The following LSP1 variants were observed in gnomAD, a reference collection of about 807,000 sequenced individuals.
The protein encoded by LSP1 is lymphocyte specific protein 1, also known as lymphocyte-specific protein 1.
LSP1 carries 32 observed loss-of-function variants against 49.3 expected under a neutral mutation model. The observed-to-expected ratio is 0.65, with a 90% CI of 0.49 to 0.87. The LOEUF is 0.87. Ranked by LOEUF, LSP1 falls within the 40% of genes least tolerant of loss-of-function variation. The probability of loss-of-function intolerance (pLI) is 0.00; values close to 1 mark genes in which losing one functional copy is unlikely to be tolerated. For synonymous variants in LSP1, 179 were observed against 178.8 expected (o/e 1.00, Z -0.01); for missense variants, 428 against 442.6 (o/e 0.97, Z 0.30).
At chr11:1,856,727 C>T (rs1847498895) in intron 1 of LSP1, among the ~76,000 whole-genome samples, 1 of 152,202 alleles carries the variant, frequency 6.6e-6, no homozygotes, top group Non-Finnish European at 1.5e-5. Flanking sequence ...CAGCAGGAGC[C>T]CATGGGATGG....
At chr11:1,868,773 G>T in intron 1 of LSP1, 1 of 985,840 alleles carries the variant, frequency 1.0e-6, no homozygotes, top group Non-Finnish European at 1.2e-6. Flanking sequence ...CCCTGGGCAG[G>T]GTGTCAGGGC....
intron 7 of LSP1, among the ~76,000 whole-genome samples, chr11:1,886,189 G>A (rs557081154): frequency 5.9e-5 from 9 of 151,600 alleles, no homozygotes; most frequent in East Asian, 3.9e-4. Context: ...TCCAATCAAC[G>A]TCGTTGCATG....
At chr11:1,880,286 G>T in intron 2 of LSP1, 62 bp downstream of exon 2, 3 of 1,469,760 alleles carry the variant, frequency 2.0e-6, no homozygotes, top group Non-Finnish European at 2.7e-6. Context: ...TGGGGCCTGG[G>T]CAGAGGGGGA....
chr11:1,880,707 T>A (rs10082642), intron 2 of LSP1: 7,213 of 154,620 alleles, frequency 0.047, 208 homozygotes, highest in Middle Eastern at 0.12. Flanking sequence ...TTGGGCAGAG[T>A]GGGGTTCAGC....
rs1848545623 is a variant in LSP1 at position 1,881,585 on chromosome 11, G to C, written c.345G>C (p.Glu115Asp). 2.0e-6 allele frequency: 3 copies of C among 1,515,548 alleles called. No homozygotes were observed. Among genetic ancestry groups the C allele is most frequent in the Non-Finnish European group, 2.7e-6 (3 of 1,128,920 alleles). The allele number at this position is 1,515,548 out of a possible 1,614,324, so 93.9% of individuals were successfully genotyped here. ...EPPQCRSPEG[E>D]QEDRPGLHAY... ...CCCAGTGCAGGAGTCCTGAGGGGGAGCAAGAGGACAGGTGAGTGAGGGCCT... is the reference window on the plus strand; with the variant it reads ...CCCAGTGCAGGAGTCCTGAGGGGGACCAAGAGGACAGGTGAGTGAGGGCCT... Residue 115 changes from glutamate (E) to aspartate (D), a missense_variant, in exon 3 of 11, where the codon GAG (glutamate) becomes GAC (aspartate). Coordinates refer to ENST00000311604, the MANE Select transcript of LSP1 (RefSeq NM_002339.3).
At chr11:1,869,873 C>A in intron 1 of LSP1, 1 of 451,246 alleles carries the variant, frequency 2.2e-6, no homozygotes, top group South Asian at 1.6e-5. Flanking sequence ...GGGTCAGGAC[C>A]CTCCACTCAC....
intron 8 of LSP1, 151 bp from the exon 9 acceptor site, chr11:1,887,086 C>T: frequency 2.2e-6 from 2 of 895,350 alleles, no homozygotes; most frequent in South Asian, 3.5e-5. Context: ...CTTTCCCTGC[C>T]TCTTCCACTG....
At chr11:1,891,311 C>T (rs1848992589) in intron 10 of LSP1, 1 of 152,132 alleles carries the variant, frequency 6.6e-6, no homozygotes, top group African/African-American at 2.4e-5. Context: ...GAGCCAGAGG[C>T]TCTCTGGTTT....
rs148042410 is a variant in LSP1 at position 1,880,106 on chromosome 11, G to A, written c.73G>A (p.Val25Met). The change falls in exon 2 of 11, where the codon GTG (valine) becomes ATG (methionine). Residue 25 changes from valine to methionine, a missense_variant. Val to Met is a conservative substitution (Grantham distance 21, BLOSUM62 1). Coordinates refer to ENST00000311604, the MANE Select transcript of LSP1 (RefSeq NM_002339.3). ...ELLGPTAQWS[V>M]EDEEEAVHEQ... ...CACTAGGCCCACTGCTCAGTGGAGC[G>A]TGGAGGACGAGGAGGAGGCCGTCCA... 172 of 1,609,422 alleles carry A rather than the reference G, an allele frequency of 1.1e-4. No homozygotes were observed. The highest frequency in any genetic ancestry group is 2.3e-4 in the African/African-American group (17 of 74,740).
chr11:1,855,908 C>T (rs1333925676), intron 1 of LSP1, among the ~76,000 whole-genome samples: 1 of 152,216 alleles, frequency 6.6e-6, no homozygotes, highest in Non-Finnish European at 1.5e-5. Context: ...GCGATGAGGA[C>T]GGGGCGTCCT....
At chr11:1,872,757 G>C (rs1189196592) in intron 1 of LSP1, among the ~76,000 whole-genome samples, 2 of 151,652 alleles carry the variant, frequency 1.3e-5, no homozygotes, top group African/African-American at 4.9e-5. Context: ...GCTGGCGTGG[G>C]CACCTTTGGG....
intron 3 of LSP1, among the ~76,000 whole-genome samples, chr11:1,882,908 C>T (rs536474608): frequency 1.3e-5 from 2 of 152,368 alleles, no homozygotes; most frequent in South Asian, 4.1e-4. Flanking sequence ...CCCTCCCCCG[C>T]AGCCGGCAGC....
rs760576478 is a variant in LSP1, at chr11:1,866,884, GC to G, written c.54-13202del. 3.3e-6 allele frequency: 5 copies of G among 1,531,350 alleles called. No individual in the cohort carries two copies. The South Asian group carries it at 6.0e-5, about 18-fold the overall frequency. 94.9% of individuals were successfully genotyped at this position (1,531,350 alleles called of 1,614,324 possible). ...GGGCTCGGCCATGAGCATCCGTCCA[GC>G]GGGCCCAGCACCAACTGCAGCCCCA... On this transcript the variant is annotated intron_variant, in intron 1 of 10. Coordinates refer to ENST00000311604, the MANE Select transcript of LSP1 (RefSeq NM_002339.3).
chr11:1,861,082 C>G (rs1031861671), intron 1 of LSP1, among the ~76,000 whole-genome samples: 3 of 152,210 alleles, frequency 2.0e-5, no homozygotes, highest in African/African-American at 7.2e-5. Flanking sequence ...GTAGACACTA[C>G]TAAATCAGGA....
Position 1,880,268 on chromosome 11 carries a change from G to A in LSP1, c.191+44G>A, listed in dbSNP as rs146975581. The stretch of plus-strand genomic sequence containing the variant: ...CGTGCCTGGGCTCTAGCCCCTATCC[G>A]TGTACCCTGGGGCCTGGGCAGAGGG... On this transcript the variant is annotated intron_variant, in intron 2 of 10. Transcript: ENST00000311604. The A allele has an allele frequency of 8.9e-4, 1,354 of 1,518,620 alleles. 14 individuals carry two copies. The African/African-American group carries it at 0.016, about 18-fold the overall frequency. The allele number at this position is 1,518,620 out of a possible 1,614,324, so 94.1% of individuals were successfully genotyped here.
rs747369818 is a variant in LSP1 at position 1,880,095 on chromosome 11, C to A, written c.62C>A (p.Ala21Asp). The A allele has an allele frequency of 1.9e-4, 306 of 1,609,888 alleles. No individual in the cohort carries two copies. Among genetic ancestry groups the A allele is most frequent in the Non-Finnish European group, 2.4e-4 (287 of 1,178,006 alleles). ...TCTGTGTCCCCCACTAGGCCCACTG[C>A]TCAGTGGAGCGTGGAGGACGAGGAG... Reference protein sequence around the residue: ...EEREELLGPTAQWSVEDEEEA... With the variant: ...EEREELLGPTDQWSVEDEEEA... Residue 21 changes from alanine (A) to aspartate (D), a missense_variant, in exon 2 of 11, where the codon GCT becomes GAT. Coordinates refer to ENST00000311604, the MANE Select transcript of LSP1 (RefSeq NM_002339.3).
At chr11:1,890,672 A>G in intron 10 of LSP1, 1 of 641,276 alleles carries the variant, frequency 1.6e-6, no homozygotes, top group Admixed American at 2.3e-5. Context: ...TGGTCCAAGG[A>G]GGACCTGGGG....
At chr11:1,875,929 C>A (rs1277596829) in intron 1 of LSP1, among the ~76,000 whole-genome samples, 1 of 152,230 alleles carries the variant, frequency 6.6e-6, no homozygotes, top group African/African-American at 2.4e-5. Flanking sequence ...TGTGCCACAC[C>A]CTCGAGCCCC....
chr11:1,881,627 G>A (rs923474099), intron 3 of LSP1, 31 bp downstream of exon 3: 2 of 1,442,966 alleles, frequency 1.4e-6, no homozygotes, highest in African/African-American at 3.0e-5. Context: ...CGGGCGCTGG[G>A]CAGAGCAGGG....
Sources: allele counts gnomAD v4.1 joint callset (sites outside exome capture counted in the v4.1 genomes callset), GRCh38; gene constraint gnomAD v4.1.1; transcripts MANE v1.5; gene names NCBI Gene and HGNC (gene_info 2026-07-23, HGNC 2026-07-21).